The following CASP5 variants were observed in gnomAD, a reference collection of about 807,000 sequenced individuals.
CASP5 encodes the protein caspase-5.
CASP5 carries 42 observed loss-of-function variants against 45.2 expected under a neutral mutation model. The ratio of observed to expected loss-of-function variants is 0.93; its 90% CI spans 0.73 to 1.20. The LOEUF (loss-of-function observed/expected upper bound fraction) is 1.20, where lower values mean the gene tolerates loss of function less well. Among genes scored for constraint, CASP5 ranks in the 50% most tolerant of loss-of-function variants. CASP5 has a pLI of 0.00. For missense variants in CASP5, 512 were observed against 532.2 expected, an observed-to-expected ratio of 0.96 and a Z score of 0.37; for synonymous variants, 209 against 186.2, an observed-to-expected ratio of 1.12 and a Z score of -1.00.
chr11:105,011,108 G>A (rs912213123), intron 1 of CASP5, among the ~76,000 whole-genome samples: 57 of 151,676 alleles, frequency 3.8e-4, no homozygotes, highest in Non-Finnish European at 8.9e-5. Flanking sequence ...AGACAAAAAC[G>A]TTGGTTTTAA....
Position 104,999,006 on chromosome 11 carries a change from G to A in CASP5, c.975C>T (p.Val325=). The change falls in exon 7 of 10, where the codon GTC becomes GTT. Residue 325 remains valine, a synonymous_variant. Transcript: ENST00000260315. ...CRGEKHGELW[V]RDSPASLALI... The stretch of plus-strand genomic sequence containing the variant: ...GTGCCAAGGATGCTGGAGAGTCTCT[G>A]ACCCAGAGTTCCCCATGTTTTTCTG... 1 of 1,605,396 alleles carries A rather than the reference G, an allele frequency of 6.2e-7. No homozygotes were observed. Among genetic ancestry groups the A allele is most frequent in the Non-Finnish European group, 8.5e-7 (1 of 1,177,386 alleles).
chr11:105,007,449 A>G (rs1862065964), intron 2 of CASP5, 115 bp from the exon 3 acceptor site: 1 of 1,024,920 alleles, frequency 9.8e-7, no homozygotes, highest in East Asian at 2.4e-5. Flanking sequence ...CTATTTTACC[A>G]TGTCTCCAGC....
intron 1 of CASP5, among the ~76,000 whole-genome samples, chr11:105,016,374 T>C (rs949773467): frequency 6.6e-6 from 1 of 152,094 alleles, no homozygotes; most frequent in Admixed American, 6.5e-5. Context: ...GACGGGTGAT[T>C]TCTGCATTTC....
intron 1 of CASP5, among the ~76,000 whole-genome samples, chr11:105,011,951 T>C (rs1458381825): frequency 6.6e-6 from 1 of 151,786 alleles, no homozygotes; most frequent in African/African-American, 2.4e-5. Flanking sequence ...TTAAAATTCA[T>C]ATGGAATTAT....
chr11:105,009,219 C>G (rs908888991), intron 1 of CASP5, among the ~76,000 whole-genome samples: 1 of 151,810 alleles, frequency 6.6e-6, no homozygotes, highest in Non-Finnish European at 1.5e-5. Flanking sequence ...TTGTCTTTTT[C>G]CTTTCTGCAG....
At chr11:105,006,575 T>C (rs994931654) in intron 3 of CASP5, among the ~76,000 whole-genome samples, 1 of 152,208 alleles carries the variant, frequency 6.6e-6, no homozygotes, top group Non-Finnish European at 1.5e-5. Context: ...TTGTTTTATA[T>C]GCCGCTAGAG....
chr11:105,010,615 T>A (rs981551827), intron 1 of CASP5, among the ~76,000 whole-genome samples: 1 of 151,240 alleles, frequency 6.6e-6, no homozygotes, highest in East Asian at 1.9e-4. Context: ...AATAAACCAG[T>A]AGAATATTTA....
At position 105,021,337 on chromosome 11, in the gene CASP5, C is replaced by A. The variant is rs1382383475; in HGVS notation, c.7+1793G>T. On this transcript the variant is annotated intron_variant, in intron 1 of 9. Transcript: ENST00000260315. ...ATCTAATTAAACTAAAGAGCTTCTA[C>A]ACAGCAAAAGAAACTACCGTCAGAG... Among the ~76,000 whole-genome samples the A allele has an allele frequency of 2.8e-5, 4 of 145,206 alleles. No homozygotes were observed. The South Asian group carries it at 8.7e-4, about 32-fold the overall frequency.
chr11:105,019,858 GA>G, intron 1 of CASP5, among the ~76,000 whole-genome samples: 2 of 140,848 alleles, frequency 1.4e-5, no homozygotes, highest in East Asian at 3.9e-4. Flanking sequence ...AACCAAAAAA[GA>G]GAATTTTAGA....
chr11:105,006,137 A>G (rs916093749), intron 3 of CASP5, among the ~76,000 whole-genome samples: 16 of 152,208 alleles, frequency 1.1e-4, no homozygotes, highest in Non-Finnish European at 2.1e-4. Context: ...ATCTGAGAAC[A>G]TTTAGGCTCT....
rs1862122022 is a variant in CASP5, at chr11:105,008,660, C to G, written c.181+147G>C. On this transcript the variant is annotated intron_variant, in intron 2 of 9. Transcript: ENST00000260315. ...CCCACCCCACAAAAGACAAGGTAGT[C>G]CCTGAAGGAAAAATTATAGGTTTGG... The G allele has an allele frequency of 2.7e-5, 17 of 625,188 alleles. No homozygotes were observed. The South Asian group carries it at 3.4e-4, about 13-fold the overall frequency. 38.7% of individuals were successfully genotyped at this position (625,188 alleles called of 1,614,324 possible).
chr11:105,019,535 C>A (rs1862829384), intron 1 of CASP5, among the ~76,000 whole-genome samples: 1 of 151,228 alleles, frequency 6.6e-6, no homozygotes, highest in African/African-American at 2.4e-5. Context: ...CACCTCTACG[C>A]AAATAAACTA....
intron 3 of CASP5, among the ~76,000 whole-genome samples, chr11:105,004,644 A>G (rs1377190145): frequency 2.0e-5 from 3 of 152,130 alleles, no homozygotes; most frequent in Non-Finnish European, 4.4e-5. Context: ...TGTATTTTTT[A>G]TATATCAATC....
At chr11:105,018,756 A>T (rs1447954203) in intron 1 of CASP5, among the ~76,000 whole-genome samples, 2 of 143,804 alleles carry the variant, frequency 1.4e-5, no homozygotes, top group African/African-American at 5.1e-5. Flanking sequence ...CGAGACAGAA[A>T]GTCAACAAGG....
At position 105,017,700 on chromosome 11, in the gene CASP5, G is replaced by A. The variant is rs866055341; in HGVS notation, c.7+5430C>T. ...TCTGATTGGTGTACCTGAAAGTGAC[G>A]GGGAGAATGGAACCAAGTTGGAAAA... is the stretch of plus-strand genomic sequence containing the variant. On this transcript the variant is annotated intron_variant, in intron 1 of 9. Transcript: ENST00000260315. Among the ~76,000 whole-genome samples, 776 of 151,492 alleles carry A rather than the reference G, an allele frequency of 5.1e-3. 5 individuals are homozygous for A. The highest frequency in any genetic ancestry group is 0.028 in the South Asian group (133 of 4,778).
chr11:105,020,805 CTACTT>C (rs1862913627), intron 1 of CASP5, among the ~76,000 whole-genome samples: 1 of 152,132 alleles, frequency 6.6e-6, no homozygotes, highest in African/African-American at 2.4e-5. Context: ...TTGGAAAAAA[CTACTT>C]TACAGTTCAT....
chr11:105,006,413 C>A (rs1565385035), intron 3 of CASP5, among the ~76,000 whole-genome samples: 1 of 152,126 alleles, frequency 6.6e-6, no homozygotes, highest in African/African-American at 2.4e-5. Context: ...GTGAAGAAAC[C>A]AGTTACATTC....
intron 4 of CASP5, among the ~76,000 whole-genome samples, chr11:105,002,595 C>A (rs1441587984): frequency 6.6e-6 from 1 of 152,128 alleles, no homozygotes; most frequent in Non-Finnish European, 1.5e-5. Flanking sequence ...AAAACATAAA[C>A]TTACAATGAT....
intron 3 of CASP5, among the ~76,000 whole-genome samples, chr11:105,006,867 C>T (rs1450139001): frequency 2.6e-5 from 4 of 152,160 alleles, no homozygotes; most frequent in African/African-American, 9.7e-5. Context: ...TTTCTGTGCA[C>T]AGTCTAAACA....
Sources: gnomAD v4.1 joint callset for allele counts (sites outside exome capture counted in the v4.1 genomes callset) on GRCh38, gnomAD v4.1.1 for gene constraint, MANE v1.5 for transcripts, NCBI Gene and HGNC (gene_info 2026-07-23, HGNC 2026-07-21) for gene names.